RGS8: variants seen among roughly 807,000 people sequenced by gnomAD.
The protein encoded by RGS8 is regulator of G-protein signaling 8.
Under a neutral mutation model 21.7 loss-of-function variants are expected in RGS8, and 8 were observed. The observed-to-expected ratio is 0.37, with a 90% CI of 0.22 to 0.66. RGS8 has a LOEUF of 0.66. Ranked by LOEUF, RGS8 falls within the 30% of genes least tolerant of loss-of-function variation. The pLI is 0.59. For synonymous variants in RGS8, 80 were observed against 83.6 expected (o/e 0.96, Z 0.24); for missense variants, 157 against 217.9 (o/e 0.72, Z 1.76).
At chr1:182,689,299 A>C (rs930847699), upstream of RGS8, among the ~76,000 whole-genome samples, 6 of 139,388 alleles carry the variant, frequency 4.3e-5, no homozygotes, top group East Asian at 1.2e-3. Flanking sequence ...ACACACACAC[A>C]CACACACCCC....
chr1:182,747,043 CTTTTTTTTTTTTTTTTTTTTTTTT>C, the RGS8 span, among the ~76,000 whole-genome samples: 1 of 21,050 alleles, frequency 4.8e-5, no homozygotes, highest in African/African-American at 1.4e-4. Context: ...CACTGCTGGT[CTTTTTTTTTTTTTTTTTTTTTTTT>C]TTTTTTTTTT....
chr1:182,714,600 C>T, the RGS8 span: 34 of 152,296 alleles, frequency 2.2e-4, no homozygotes, highest in South Asian at 6.4e-3. Flanking sequence ...ATTACATCCC[C>T]ATAACACAAT....
the RGS8 span, among the ~76,000 whole-genome samples, chr1:182,696,936 T>C: frequency 6.6e-6 from 1 of 152,330 alleles, no homozygotes; most frequent in Non-Finnish European, 1.5e-5. Context: ...GTCTGCTGGC[T>C]AGGGTGCTAG....
the RGS8 span, among the ~76,000 whole-genome samples, chr1:182,729,932 T>A: frequency 5.9e-5 from 9 of 152,102 alleles, no homozygotes. Flanking sequence ...AAAAATAACA[T>A]AGGCCACGCT....
At chr1:182,666,425 G>A (rs1015822815) in intron 4 of RGS8, among the ~76,000 whole-genome samples, 2 of 152,182 alleles carry the variant, frequency 1.3e-5, no homozygotes, top group Admixed American at 1.3e-4. Flanking sequence ...GGATAATGAT[G>A]CCCATTACAT....
At chr1:182,702,811 G>C in the RGS8 span, among the ~76,000 whole-genome samples, 1 of 152,160 alleles carries the variant, frequency 6.6e-6, no homozygotes, top group Non-Finnish European at 1.5e-5. Context: ...TCAATATTTT[G>C]AAAGAGGTAA....
intron 5 of RGS8, among the ~76,000 whole-genome samples, chr1:182,650,069 G>A (rs919283266): frequency 3.3e-5 from 5 of 150,136 alleles, no homozygotes; most frequent in Non-Finnish European, 4.4e-5. Flanking sequence ...GCGCCACTAC[G>A]CCTCGCTAAT....
intron 5 of RGS8, among the ~76,000 whole-genome samples, chr1:182,653,448 C>T (rs1663118703): frequency 6.6e-6 from 1 of 151,550 alleles, no homozygotes; most frequent in Non-Finnish European, 1.5e-5. Context: ...GTAATCCCAG[C>T]ACTTTGGGAG....
At chr1:182,726,315 C>T in the RGS8 span, among the ~76,000 whole-genome samples, 6 of 152,088 alleles carry the variant, frequency 3.9e-5, no homozygotes, top group Non-Finnish European at 8.8e-5. Context: ...ACCCTCTTTC[C>T]TCTAGGAGTA....
chr1:182,695,268 C>T, the RGS8 span, among the ~76,000 whole-genome samples: 1 of 152,118 alleles, frequency 6.6e-6, no homozygotes, highest in Non-Finnish European at 1.5e-5. Context: ...GACTTTGGCC[C>T]CTCCTACCAC....
the RGS8 span, among the ~76,000 whole-genome samples, chr1:182,748,812 G>T: frequency 1.3e-5 from 2 of 152,144 alleles, no homozygotes; most frequent in Non-Finnish European, 2.9e-5. Flanking sequence ...TGGGTGAAAT[G>T]GTATCTCATT....
chr1:182,674,263 A>G (rs1016082345), upstream of RGS8, among the ~76,000 whole-genome samples: 2 of 152,228 alleles, frequency 1.3e-5, no homozygotes, highest in African/African-American at 4.8e-5. Context: ...GTGGAAGCTA[A>G]TCAATATTAA....
At chr1:182,650,060 C>T (rs149930835) in intron 5 of RGS8, among the ~76,000 whole-genome samples, 2,074 of 149,562 alleles carry the variant, frequency 0.014, 58 homozygotes, top group African/African-American at 0.05. Context: ...TACAGGCGTG[C>T]GCCACTACGC....
At chr1:182,655,203 G>A (rs769324914) in intron 5 of RGS8, among the ~76,000 whole-genome samples, 4 of 152,198 alleles carry the variant, frequency 2.6e-5, no homozygotes, top group African/African-American at 4.8e-5. Context: ...GCATTCTCAC[G>A]CATGTAGAAG....
rs748404813 is a variant in RGS8, at chr1:182,666,860, C to A, written c.128+12G>T. The A allele has an allele frequency of 6.2e-7, 1 of 1,601,778 alleles. No individual in the cohort carries two copies. Among genetic ancestry groups the A allele is most frequent in the South Asian group, 1.1e-5 (1 of 90,800 alleles). On this transcript the variant is annotated intron_variant, in intron 4 of 6. Coordinates refer to ENST00000483095, the Ensembl canonical transcript of RGS8. ...TATTACCCAGGGAATGGCACGTGGC[C>A]GTACTACTCACTTGAGAGCGCGGTT...
chr1:182,706,447 C>T, the RGS8 span, among the ~76,000 whole-genome samples: 1 of 152,158 alleles, frequency 6.6e-6, no homozygotes, highest in African/African-American at 2.4e-5. Flanking sequence ...ATGCCTTCCT[C>T]ATCCATGGGC....
intron 5 of RGS8, among the ~76,000 whole-genome samples, chr1:182,651,982 G>A (rs1041626894): frequency 1.1e-4 from 16 of 152,238 alleles, no homozygotes; most frequent in African/African-American, 3.6e-4. Flanking sequence ...CTGAGGGTCC[G>A]TAGGCCAGAG....
the RGS8 span, among the ~76,000 whole-genome samples, chr1:182,741,354 G>A: frequency 7.7e-6 from 1 of 130,374 alleles, no homozygotes; most frequent in Non-Finnish European, 1.7e-5. Flanking sequence ...TGGCCGGGCG[G>A]GGGGGCTGAA....
rs544686760 is a variant in RGS8 at position 182,651,820 on chromosome 1, G to T, written c.194-3517C>A. ...CAGAGGTTGGAGGGAAAAACAGCTGGAGCTGTGGAAGCCTCAGTGCTCTTG... is the reference window on the plus strand; with the variant it reads ...CAGAGGTTGGAGGGAAAAACAGCTGTAGCTGTGGAAGCCTCAGTGCTCTTG... On this transcript the variant is annotated intron_variant, in intron 5 of 6. Transcript: ENST00000483095. Among the ~76,000 whole-genome samples the T allele has an allele frequency of 2.6e-5, 4 of 151,692 alleles. No homozygotes were observed. The South Asian group carries it at 8.3e-4, about 31-fold the overall frequency.
Sources: gnomAD v4.1 joint callset for allele counts (sites outside exome capture counted in the v4.1 genomes callset) on GRCh38, gnomAD v4.1.1 for gene constraint, MANE v1.5 for transcripts, NCBI Gene and HGNC (gene_info 2026-07-23, HGNC 2026-07-21) for gene names.